The following GLYATL3 variants were observed in gnomAD, a reference collection of about 807,000 sequenced individuals.
GLYATL3 encodes the protein glycine N-acyltransferase-like protein 3.
Under a neutral mutation model 28.5 loss-of-function variants are expected in GLYATL3, and 31 were observed. That is an observed-to-expected ratio of 1.09 (90% CI 0.82 to 1.47). GLYATL3 has a LOEUF of 1.47. Among genes scored for constraint, GLYATL3 ranks in the 40% most tolerant of loss-of-function variants. The pLI, the probability that GLYATL3 is intolerant of heterozygous loss-of-function variation, is 0.00. For missense variants in GLYATL3, 369 were observed against 351.5 expected (o/e 1.05, Z -0.40); for synonymous variants, 141 against 140.2 (o/e 1.01, Z -0.04).
At chr6:49,513,212 A>G (rs1202952924) in intron 2 of GLYATL3, among the ~76,000 whole-genome samples, 1 of 152,080 alleles carries the variant, frequency 6.6e-6, no homozygotes, top group African/African-American at 2.4e-5. Context: ...CATTTTTTGG[A>G]GTTTTTGGCT....
At chr6:49,516,719 C>T (rs1369369958) in intron 3 of GLYATL3, among the ~76,000 whole-genome samples, 2 of 151,982 alleles carry the variant, frequency 1.3e-5, no homozygotes, top group East Asian at 1.9e-4. Flanking sequence ...GCTTGAGCCC[C>T]AGAGTCCGAG....
rs1215283022 is a variant in GLYATL3, at chr6:49,517,497, A to G, written c.254A>G (p.Tyr85Cys). The G allele has an allele frequency of 1.3e-6, 2 of 1,550,910 alleles. No individual in the cohort carries two copies. Among genetic ancestry groups the G allele is most frequent in the Admixed American group, 3.9e-5 (2 of 50,928 alleles). Residue 85 changes from tyrosine to cysteine, a missense_variant, in exon 4 of 6, where the codon TAT becomes TGT. By Grantham distance (194) the Tyr-to-Cys change is radical. Coordinates refer to ENST00000371197, the MANE Select transcript of GLYATL3 (RefSeq NM_001010904.2). ...YAVFYKDVRAYRQLLEECDVF... is the reference protein window; with the variant it reads ...YAVFYKDVRACRQLLEECDVF... Reference sequence around the variant, plus strand: ...GTGTTCTACAAGGATGTCAGGGCTTATCGACAGCTATTGGAAGAATGTGAT... The same window carrying G: ...GTGTTCTACAAGGATGTCAGGGCTTGTCGACAGCTATTGGAAGAATGTGAT...
intron 1 of GLYATL3, among the ~76,000 whole-genome samples, chr6:49,503,666 T>C (rs1768955819): frequency 6.6e-6 from 1 of 152,228 alleles, no homozygotes; most frequent in Admixed American, 6.5e-5. Context: ...CCACATTAAT[T>C]TGTCAGCATT....
At chr6:49,513,922 T>G (rs1469340591) in intron 2 of GLYATL3, among the ~76,000 whole-genome samples, 1 of 152,196 alleles carries the variant, frequency 6.6e-6, no homozygotes, top group Non-Finnish European at 1.5e-5. Flanking sequence ...AAGGTCCCCT[T>G]TCTTTAAAAA....
chr6:49,521,896 C>T, intron 5 of GLYATL3, 125 bp downstream of exon 5: 1 of 776,600 alleles, frequency 1.3e-6, no homozygotes, highest in South Asian at 1.8e-5. Context: ...CCATTGAGCA[C>T]AAACGGGAGT....
rs187212803 is a variant in GLYATL3 at position 49,525,993 on chromosome 6, A to G, written c.441-495A>G. Among the ~76,000 whole-genome samples the G allele has an allele frequency of 1.7e-3, 256 of 152,362 alleles. 1 individual carries two copies. The highest frequency in any genetic ancestry group is 5.4e-3 in the African/African-American group (225 of 41,582). On this transcript the variant is annotated intron_variant, in intron 5 of 5. Transcript: ENST00000371197. ...GAAGCAACGACTTAAATTTGATGTA[A>G]TAAGTGTTTTGTCTTCTCAGAAATG...
chr6:49,517,355 G>A (rs544692796), intron 3 of GLYATL3, 75 bp from the exon 4 acceptor site: 47 of 1,282,660 alleles, frequency 3.7e-5, no homozygotes, highest in South Asian at 1.7e-4. Flanking sequence ...TCCAGCTAAC[G>A]GTATCTAATC....
chr6:49,514,930 A>C (rs1255593836), intron 2 of GLYATL3, among the ~76,000 whole-genome samples: 1 of 152,188 alleles, frequency 6.6e-6, no homozygotes, highest in Non-Finnish European at 1.5e-5. Flanking sequence ...AAAGAAGGGC[A>C]AACTTTAAAG....
At chr6:49,506,679 C>G (rs1297234910) in intron 1 of GLYATL3, among the ~76,000 whole-genome samples, 2 of 151,966 alleles carry the variant, frequency 1.3e-5, no homozygotes, top group Non-Finnish European at 2.9e-5. Flanking sequence ...TTTTGTACAA[C>G]AAACACAGGC....
In GLYATL3 at chr6:49,508,690, C is replaced by G. The variant is rs552414891; in HGVS notation, c.-28-3273C>G. Among the ~76,000 whole-genome samples, 4 of 152,372 alleles carry G rather than the reference C, an allele frequency of 2.6e-5. No individual in the cohort carries two copies. In the South Asian group the frequency reaches 8.3e-4, roughly 32 times the overall value. On this transcript the variant is annotated intron_variant, in intron 1 of 5. Transcript: ENST00000371197. ...GAATGCATGTCCCTTCATAGGCTCT[C>G]TGCAGGGGAAGCACATCACGTGCTG...
chr6:49,510,528 G>A (rs1409290810), intron 1 of GLYATL3, among the ~76,000 whole-genome samples: 1 of 152,076 alleles, frequency 6.6e-6, no homozygotes, highest in Non-Finnish European at 1.5e-5. Context: ...AAATAATTTT[G>A]TTTCGTTTTC....
At chr6:49,521,506 A>C (rs1769315031) in intron 4 of GLYATL3, 139 bp from the exon 5 acceptor site, 1 of 597,438 alleles carries the variant, frequency 1.7e-6, no homozygotes, top group South Asian at 3.3e-5. Flanking sequence ...TTTAGATGTA[A>C]GTATACAGTG....
intron 1 of GLYATL3, among the ~76,000 whole-genome samples, chr6:49,509,940 TTTTCTTTCTCTTTCTTTCTTTCTTTC>T (rs1255769158): frequency 3.9e-4 from 49 of 124,672 alleles, no homozygotes; most frequent in South Asian, 2.7e-3. Flanking sequence ...ATTTTACGTA[TTTTCTTTCTCTTTCTTTCTTTCTTTC>T]TTTCTTTCTT....
At position 49,526,711 on chromosome 6, in the gene GLYATL3, C is replaced by T. The variant is rs774013930; in HGVS notation, c.664C>T (p.Arg222Cys). ...CCATGGCTACACCCTGCCAGAACAT[C>T]GCAGGAAAGGTTACAGCCGGCTGGT... is the stretch of plus-strand genomic sequence containing the variant. ...MCHGYTLPEH[R>C]RKGYSRLVAL... Residue 222 changes from arginine (R) to cysteine (C), a missense_variant, in exon 6 of 6, where the codon CGC becomes TGC. Transcript: ENST00000371197. The T allele has an allele frequency of 3.2e-6, 5 of 1,551,626 alleles. No individual in the cohort carries two copies. Among genetic ancestry groups the T allele is most frequent in the South Asian group, 1.2e-5 (1 of 84,068 alleles).
Position 49,527,707 on chromosome 6 carries a change from G to A in GLYATL3, c.*793G>A, listed in dbSNP as rs1769448280. On this transcript the variant is annotated 3_prime_UTR_variant, in exon 6 of 6. Transcript: ENST00000371197. ...TAGACTTTACCTATAACCTATTTCA[G>A]CCCCCTTATTTATAGTCTACTTTCC... Among the ~76,000 whole-genome samples the A allele has an allele frequency of 6.6e-6, 1 of 152,094 alleles. No individual in the cohort carries two copies. The highest frequency in any genetic ancestry group is 6.5e-5 in the Admixed American group (1 of 15,272).
chr6:49,526,201 G>A (rs1259267562), intron 5 of GLYATL3, among the ~76,000 whole-genome samples: 1 of 152,100 alleles, frequency 6.6e-6, no homozygotes, highest in Non-Finnish European at 1.5e-5. Flanking sequence ...GAATCACGAG[G>A]TCAGGAGTTC....
Position 49,506,939 on chromosome 6 carries a change from T to C in GLYATL3, c.-28-5024T>C, listed in dbSNP as rs1466607626. 3.3e-5 allele frequency among the ~76,000 whole-genome samples: 5 copies of C among 151,956 alleles called. No homozygotes were observed. In the East Asian group the frequency reaches 9.7e-4, roughly 29 times the overall value. ...GGAGTGTTGAAAGAAACAGTAGGCT[T>C]AGAATAGGGGAGAGGTCCAAAAGGA... is the stretch of plus-strand genomic sequence containing the variant. On this transcript the variant is annotated intron_variant, in intron 1 of 5. Transcript: ENST00000371197.
chr6:49,507,223 G>C (rs1769026686), intron 1 of GLYATL3, among the ~76,000 whole-genome samples: 3 of 152,074 alleles, frequency 2.0e-5, no homozygotes. Context: ...GTTAACTTGT[G>C]GCAGTTGAAG....
In GLYATL3 at chr6:49,503,175, G is replaced by A. The variant is rs183843737; in HGVS notation, c.-29+3133G>A. On this transcript the variant is annotated intron_variant, in intron 1 of 5. Coordinates refer to ENST00000371197, the MANE Select transcript of GLYATL3 (RefSeq NM_001010904.2). ...GGTGTGGGGACATTAGCAAAGGGGG[G>A]GATATAAGTCCTCATCATCTTTACT... is the stretch of plus-strand genomic sequence containing the variant. Among the ~76,000 whole-genome samples, 7 of 149,374 alleles carry A rather than the reference G, an allele frequency of 4.7e-5. No individual in the cohort carries two copies. In the East Asian group the frequency reaches 1.4e-3, roughly 30 times the overall value.
Sources: gnomAD v4.1 joint callset for allele counts (sites outside exome capture counted in the v4.1 genomes callset) on GRCh38, gnomAD v4.1.1 for gene constraint, MANE v1.5 for transcripts, NCBI Gene and HGNC (gene_info 2026-07-23, HGNC 2026-07-21) for gene names.